Variants in DOK5 observed in about 807,000 individuals in gnomAD.
DOK5 encodes the protein downstream of tyrosine kinase 5.
DOK5 carries 27 observed loss-of-function variants against 43.3 expected under a neutral mutation model. The ratio of observed to expected loss-of-function variants is 0.62; its 90% CI spans 0.46 to 0.86. The LOEUF is 0.86. Among genes scored for constraint, DOK5 ranks in the 40% least tolerant of loss-of-function variants. DOK5 has a pLI of 0.00. For missense variants in DOK5, 373 were observed against 392.9 expected (o/e 0.95, Z 0.43); for synonymous variants, 146 against 140.1 (o/e 1.04, Z -0.30).
At chr20:54,598,976 G>A (rs1986228094) in intron 5 of DOK5, among the ~76,000 whole-genome samples, 1 of 152,092 alleles carries the variant, frequency 6.6e-6, no homozygotes, top group African/African-American at 2.4e-5. Flanking sequence ...GAGTTTACAG[G>A]TAAAATGACA....
At chr20:54,629,839 C>T (rs909395406) in intron 6 of DOK5, among the ~76,000 whole-genome samples, 1 of 152,206 alleles carries the variant, frequency 6.6e-6, no homozygotes, top group African/African-American at 2.4e-5. Flanking sequence ...GTGCTTCAGG[C>T]CCAGGAGCCT....
chr20:54,634,511 G>A (rs1053175227), intron 6 of DOK5, among the ~76,000 whole-genome samples: 6 of 136,446 alleles, frequency 4.4e-5, no homozygotes, highest in African/African-American at 1.5e-4. Flanking sequence ...GTGCGATCTC[G>A]GCTCACTACA....
At position 54,583,499 on chromosome 20, in the gene DOK5, G is replaced by T. The variant is rs144590699; in HGVS notation, c.175-4984G>T. Reference sequence around the variant, plus strand: ...GGTATTGAAATCTCCTACTATTATTGTGTTGCTTTCTCTTTCTCTCTTCAA... The same window carrying T: ...GGTATTGAAATCTCCTACTATTATTTTGTTGCTTTCTCTTTCTCTCTTCAA... On this transcript the variant is annotated intron_variant, in intron 2 of 7. Coordinates refer to ENST00000262593, the MANE Select transcript of DOK5 (RefSeq NM_018431.5). Among the ~76,000 whole-genome samples the T allele has an allele frequency of 2.1e-3, 326 of 152,120 alleles. 1 individual carries two copies. Among genetic ancestry groups the T allele is most frequent in the African/African-American group, 7.3e-3 (301 of 41,512 alleles).
At chr20:54,485,530 CGTA>C (rs1452303351) in intron 1 of DOK5, among the ~76,000 whole-genome samples, 1 of 151,864 alleles carries the variant, frequency 6.6e-6, no homozygotes, top group Non-Finnish European at 1.5e-5. Flanking sequence ...CAATAGGTAC[CGTA>C]GTTTGTTTAG....
intron 1 of DOK5, among the ~76,000 whole-genome samples, chr20:54,488,764 C>T (rs1210323861): frequency 6.8e-6 from 1 of 147,128 alleles, no homozygotes; most frequent in Non-Finnish European, 1.5e-5. Context: ...TTTCCCTACC[C>T]CTCCCCTCCC....
At chr20:54,634,459 T>TTTTG (rs869258841) in intron 6 of DOK5, among the ~76,000 whole-genome samples, 1 of 135,442 alleles carries the variant, frequency 7.4e-6, no homozygotes, top group African/African-American at 3.1e-5. Flanking sequence ...TTTTTTTTTT[T>TTTTG]GAGATGGAGT....
At chr20:54,573,686 CAAAA>C (rs1321685949) in intron 2 of DOK5, among the ~76,000 whole-genome samples, 4 of 50,970 alleles carry the variant, frequency 7.8e-5, no homozygotes, top group South Asian at 9.0e-4. Flanking sequence ...GACTCCATCT[CAAAA>C]AAAAAAAAAA....
At chr20:54,548,681 A>C (rs1026461071) in intron 1 of DOK5, among the ~76,000 whole-genome samples, 1 of 152,392 alleles carries the variant, frequency 6.6e-6, no homozygotes, top group East Asian at 1.9e-4. Context: ...GATTTGTTAC[A>C]TAAAATATAA....
chr20:54,611,131 C>G (rs941450211), intron 6 of DOK5, among the ~76,000 whole-genome samples: 4 of 152,200 alleles, frequency 2.6e-5, no homozygotes, highest in African/African-American at 9.6e-5. Context: ...CTACCCACAG[C>G]CATGCGTGTG....
intron 1 of DOK5, among the ~76,000 whole-genome samples, chr20:54,486,441 T>A (rs1435206384): frequency 6.6e-6 from 1 of 152,060 alleles, no homozygotes; most frequent in Non-Finnish European, 1.5e-5. Context: ...CTGATCCCTC[T>A]CAGTTTATTC....
At position 54,641,260 on chromosome 20, in the gene DOK5, T is replaced by C. The variant is rs541651327; in HGVS notation, c.736-2198T>C. On this transcript the variant is annotated intron_variant, in intron 6 of 7. Coordinates refer to ENST00000262593, the MANE Select transcript of DOK5 (RefSeq NM_018431.5). ...TGTTTTGGTAATTGTGGAATTATGA[T>C]AGGGACAGGGAATTCGATTCAGCAA... Among the ~76,000 whole-genome samples the C allele has an allele frequency of 3.3e-5, 5 of 152,300 alleles. No homozygotes were observed. The East Asian group carries it at 9.6e-4, about 29-fold the overall frequency.
chr20:54,650,571 C>T lies in DOK5; in HGVS notation c.*92C>T, dbSNP rs1017752702. 32 of 1,247,460 alleles carry T rather than the reference C, an allele frequency of 2.6e-5. No individual in the cohort carries two copies. The highest frequency in any genetic ancestry group is 2.5e-4 in the African/African-American group (17 of 67,388). The allele number at this position is 1,247,460 out of a possible 1,614,324, so 77.3% of individuals were successfully genotyped here. A position where few individuals can be genotyped will look rare whatever the true frequency, so the allele number is the denominator to read the frequency against. Reference sequence around the variant, plus strand: ...AGAATGACAGCAAGGGAAATGACGACCAAGAGAAGAAGCTTAAAGTCCTGG... The same window carrying T: ...AGAATGACAGCAAGGGAAATGACGATCAAGAGAAGAAGCTTAAAGTCCTGG... On this transcript the variant is annotated 3_prime_UTR_variant, in exon 8 of 8. Transcript: ENST00000262593.
At chr20:54,535,263 C>T (rs1464659446) in intron 1 of DOK5, among the ~76,000 whole-genome samples, 1 of 152,030 alleles carries the variant, frequency 6.6e-6, no homozygotes, top group East Asian at 1.9e-4. Context: ...TCCCCTTCTG[C>T]CCTTTTCTGG....
chr20:54,556,404 G>C (rs6068904), intron 2 of DOK5, among the ~76,000 whole-genome samples: 7,636 of 152,220 alleles, frequency 0.05, 251 homozygotes, highest in Non-Finnish European at 0.075. Context: ...GTATTATTTA[G>C]GCACAGTGAT....
At chr20:54,628,099 G>A (rs1238285670) in intron 6 of DOK5, among the ~76,000 whole-genome samples, 3 of 152,134 alleles carry the variant, frequency 2.0e-5, no homozygotes, top group Non-Finnish European at 4.4e-5. Flanking sequence ...TCATCACATC[G>A]GCGCTAGCCA....
intron 6 of DOK5, among the ~76,000 whole-genome samples, chr20:54,622,896 G>C (rs1025793958): frequency 3.3e-5 from 5 of 152,066 alleles, no homozygotes; most frequent in African/African-American, 1.2e-4. Flanking sequence ...GATCTGTTTT[G>C]GGAAGTCAAG....
chr20:54,536,616 C>CA (rs901570652), intron 1 of DOK5, among the ~76,000 whole-genome samples: 9 of 151,738 alleles, frequency 5.9e-5, no homozygotes, highest in African/African-American at 1.9e-4. Flanking sequence ...TAGGCACACA[C>CA]AAAAAAAAGT....
chr20:54,582,784 C>G (rs182113115), intron 2 of DOK5, among the ~76,000 whole-genome samples: 80 of 151,996 alleles, frequency 5.3e-4, no homozygotes, highest in African/African-American at 1.9e-3. Context: ...CTTAACCTAG[C>G]TATTTGTCAG....
chr20:54,516,742 G>C (rs6091910), intron 1 of DOK5, among the ~76,000 whole-genome samples: 3,585 of 152,194 alleles, frequency 0.024, 141 homozygotes, highest in African/African-American at 0.082. Context: ...TACTAAATAG[G>C]TACTAAAAGT....
Sources: gnomAD v4.1 joint callset for allele counts (sites outside exome capture counted in the v4.1 genomes callset) on GRCh38, gnomAD v4.1.1 for gene constraint, MANE v1.5 for transcripts, NCBI Gene and HGNC (gene_info 2026-07-23, HGNC 2026-07-21) for gene names.